PCDH15: variants seen among roughly 807,000 people sequenced by gnomAD.
The protein encoded by PCDH15 is protocadherin related 15, also known as protocadherin-15.
Under a neutral mutation model 178.5 loss-of-function variants are expected in PCDH15, and 129 were observed. That is an observed-to-expected ratio of 0.72 (90% CI 0.63 to 0.84). The LOEUF is 0.84. Among genes scored for constraint, PCDH15 ranks in the 40% least tolerant of loss-of-function variants. The pLI is 0.00. For missense variants in PCDH15, 2,230 were observed against 2,099.9 expected, an observed-to-expected ratio of 1.06 and a Z score of -1.21; for synonymous variants, 800 against 732.0, an observed-to-expected ratio of 1.09 and a Z score of -1.50.
chr10:54,421,251 G>A (rs570761529), intron 3 of PCDH15, among the ~76,000 whole-genome samples: 1 of 151,834 alleles, frequency 6.6e-6, no homozygotes, highest in South Asian at 2.1e-4. Flanking sequence ...AAAATGTCAT[G>A]AAATGACTTA....
chr10:55,604,884 A>G (rs1354605898), intron 2 of PCDH15, among the ~76,000 whole-genome samples: 1 of 147,490 alleles, frequency 6.8e-6, no homozygotes, highest in Admixed American at 6.8e-5. Context: ...AAGGCAAGAA[A>G]TAACTAAAAT....
intron 1 of PCDH15, among the ~76,000 whole-genome samples, chr10:55,228,655 G>T (rs763712534): frequency 6.6e-5 from 10 of 151,860 alleles, no homozygotes; most frequent in Non-Finnish European, 1.3e-4. Flanking sequence ...GAAACTAAGG[G>T]AGCTTGCCAA....
intron 21 of PCDH15, among the ~76,000 whole-genome samples, chr10:53,967,589 T>C (rs537062934): frequency 5.3e-5 from 8 of 152,308 alleles, no homozygotes; most frequent in African/African-American, 1.9e-4. Context: ...ACATTAAATT[T>C]CCAAATATTT....
chr10:54,167,297 C>T (rs2046333134), intron 13 of PCDH15, among the ~76,000 whole-genome samples: 1 of 152,136 alleles, frequency 6.6e-6, no homozygotes, highest in South Asian at 2.1e-4. Context: ...TTCTTACTCT[C>T]TTCTCCAACC....
At chr10:55,169,207 T>G (rs1839269967) in intron 1 of PCDH15, among the ~76,000 whole-genome samples, 1 of 152,162 alleles carries the variant, frequency 6.6e-6, no homozygotes, top group Admixed American at 6.5e-5. Context: ...TTCCCACGGA[T>G]TGCTTTGGAA....
intron 26 of PCDH15, among the ~76,000 whole-genome samples, chr10:53,887,198 C>T (rs1367470266): frequency 6.6e-6 from 1 of 152,146 alleles, no homozygotes; most frequent in Non-Finnish European, 1.5e-5. Context: ...GCTACTACCA[C>T]CTGTAATATA....
intron 26 of PCDH15, among the ~76,000 whole-genome samples, chr10:53,869,761 G>A (rs193084068): frequency 5.9e-4 from 90 of 151,862 alleles, no homozygotes; most frequent in African/African-American, 1.7e-3. Context: ...GCACAATATA[G>A]TGAAACTCTT....
intron 3 of PCDH15, among the ~76,000 whole-genome samples, chr10:54,425,354 C>G (rs2135914090): frequency 6.6e-6 from 1 of 152,186 alleles, no homozygotes; most frequent in South Asian, 2.1e-4. Flanking sequence ...TGTTAGCATT[C>G]TCAGCCCTCT....
intron 2 of PCDH15, among the ~76,000 whole-genome samples, chr10:54,555,466 T>C (rs1259788623): frequency 6.6e-6 from 1 of 151,908 alleles, no homozygotes; most frequent in Non-Finnish European, 1.5e-5. Flanking sequence ...GCACGGTGGC[T>C]CACGCCTGTA....
At chr10:55,144,402 T>G (rs992880731) in intron 2 of PCDH15, among the ~76,000 whole-genome samples, 1 of 152,146 alleles carries the variant, frequency 6.6e-6, no homozygotes, top group Non-Finnish European at 1.5e-5. Context: ...ACTACTGGCT[T>G]TCTTGCTGCC....
chr10:54,796,806 T>A (rs1952066618), intron 1 of PCDH15, among the ~76,000 whole-genome samples: 1 of 152,028 alleles, frequency 6.6e-6, no homozygotes, highest in Admixed American at 6.6e-5. Flanking sequence ...GACAGAGATG[T>A]AAGATTCTAA....
At chr10:54,877,303 C>T (rs891858316) in intron 3 of PCDH15, among the ~76,000 whole-genome samples, 2 of 151,988 alleles carry the variant, frequency 1.3e-5, no homozygotes, top group Non-Finnish European at 2.9e-5. Flanking sequence ...GGTCTGGAAC[C>T]CTACACACAA....
At chr10:54,972,797 T>C (rs1450897436) in intron 2 of PCDH15, among the ~76,000 whole-genome samples, 5 of 132,844 alleles carry the variant, frequency 3.8e-5, no homozygotes, top group African/African-American at 1.4e-4. Flanking sequence ...TGCAGTGAGC[T>C]GACATCGCGC....
chr10:54,719,730 A>G (rs1481608572), intron 1 of PCDH15, among the ~76,000 whole-genome samples: 2 of 151,690 alleles, frequency 1.3e-5, no homozygotes, highest in African/African-American at 4.8e-5. Flanking sequence ...TCGTGTGTCC[A>G]TGTGTTCTCA....
chr10:54,026,114 G>A (rs1440695170), intron 18 of PCDH15, among the ~76,000 whole-genome samples: 1 of 148,868 alleles, frequency 6.7e-6, no homozygotes, highest in Non-Finnish European at 1.5e-5. Context: ...TGTCACCCAT[G>A]CTGGTGTGCA....
intron 1 of PCDH15, among the ~76,000 whole-genome samples, chr10:55,220,468 T>C (rs1202610609): frequency 2.0e-5 from 3 of 152,056 alleles, no homozygotes; most frequent in African/African-American, 7.3e-5. Context: ...GAGAAATGCA[T>C]TTTTAGGCAA....
chr10:55,192,190 A>G (rs1345276760), intron 1 of PCDH15, among the ~76,000 whole-genome samples: 9 of 151,794 alleles, frequency 5.9e-5, no homozygotes, highest in Non-Finnish European at 1.3e-4. Context: ...TTAAGTGCCA[A>G]TTTCTTCAGA....
At chr10:55,394,444 A>C (rs1837873997) in intron 2 of PCDH15, among the ~76,000 whole-genome samples, 1 of 152,050 alleles carries the variant, frequency 6.6e-6, no homozygotes, top group African/African-American at 2.4e-5. Flanking sequence ...AATAAGAACA[A>C]AACAAAAGCA....
chr10:55,288,892 G>A (rs1471944394), intron 1 of PCDH15, among the ~76,000 whole-genome samples: 1 of 148,952 alleles, frequency 6.7e-6, no homozygotes, highest in African/African-American at 2.5e-5. Flanking sequence ...TATATATCTA[G>A]AACTTGGATT....
Sources: allele counts gnomAD v4.1 joint callset (sites outside exome capture counted in the v4.1 genomes callset), GRCh38; gene constraint gnomAD v4.1.1; transcripts MANE v1.5; gene names NCBI Gene and HGNC (gene_info 2026-07-23, HGNC 2026-07-21).